DACH2: variants seen among roughly 807,000 people sequenced by gnomAD.
DACH2 encodes the protein dachshund family transcription factor 2, also known as dachshund homolog 2.
A neutral mutation model predicts 35.8 loss-of-function variants in DACH2; 17 were observed. The ratio of observed to expected loss-of-function variants is 0.48; its 90% CI spans 0.33 to 0.71. DACH2 has a LOEUF of 0.71. Among genes scored for constraint, DACH2 ranks in the 30% least tolerant of loss-of-function variants. The pLI is 0.02. For synonymous variants in DACH2, 195 were observed against 177.3 expected, an observed-to-expected ratio of 1.10 and a Z score of -0.79; for missense variants, 469 against 472.7, an observed-to-expected ratio of 0.99 and a Z score of 0.07.
intron 2 of DACH2, among the ~76,000 whole-genome samples, chrX:86,446,418 A>G (rs2037279861): frequency 1.5e-5 from 1 of 66,033 alleles, no homozygotes; most frequent in Admixed American, 1.9e-4. Flanking sequence ...AGCATTAGGT[A>G]TATCTCCCAA....
intron 1 of DACH2, among the ~76,000 whole-genome samples, chrX:86,325,342 A>G (rs943015398): frequency 1.8e-5 from 2 of 111,347 alleles, no homozygotes; most frequent in Non-Finnish European, 3.8e-5. Context: ...AGTGAAGTGA[A>G]AGAGAGATGG....
intron 1 of DACH2, among the ~76,000 whole-genome samples, chrX:86,210,125 G>A (rs373551650): frequency 1.8e-5 from 2 of 111,806 alleles, no homozygotes; most frequent in East Asian, 5.7e-4. Flanking sequence ...GCCATGATAG[G>A]TAGTGCAGTG....
At chrX:86,290,820 C>G (rs2034271183) in intron 1 of DACH2, among the ~76,000 whole-genome samples, 1 of 100,375 alleles carries the variant, frequency 1.0e-5, no homozygotes, top group African/African-American at 3.8e-5. Context: ...GTTTTGGTTA[C>G]TGTAGCCTTG....
chrX:86,519,958 T>A (rs370458735), intron 3 of DACH2, among the ~76,000 whole-genome samples: 28 of 111,317 alleles, frequency 2.5e-4, no homozygotes, highest in East Asian at 2.3e-3. Flanking sequence ...TTGGGCTTGA[T>A]TTGTTCCTGC....
At chrX:86,356,092 A>G (rs879027327) in intron 1 of DACH2, among the ~76,000 whole-genome samples, 1 of 111,626 alleles carries the variant, frequency 9.0e-6, no homozygotes, top group Admixed American at 9.6e-5. Flanking sequence ...TGTGTTCATT[A>G]TGAAATCTTT....
intron 1 of DACH2, among the ~76,000 whole-genome samples, chrX:86,374,580 T>C (rs1161132426): frequency 9.0e-6 from 1 of 111,210 alleles, no homozygotes; most frequent in African/African-American, 3.3e-5. Context: ...ATATTGTATC[T>C]GCCACAACGT....
At chrX:86,789,306 A>G (rs2042166065) in intron 7 of DACH2, among the ~76,000 whole-genome samples, 1 of 111,912 alleles carries the variant, frequency 8.9e-6, no homozygotes, top group Non-Finnish European at 1.9e-5. Flanking sequence ...GTGGCTTTCC[A>G]GCAACAGGTA....
At chrX:86,546,392 CTTCTTCTTCTTCCTTCTTCTTCTTCTTT>C (rs2038964636) in intron 3 of DACH2, among the ~76,000 whole-genome samples, 1 of 66,722 alleles carries the variant, frequency 1.5e-5, no homozygotes, top group Non-Finnish European at 2.9e-5. Flanking sequence ...TCTTCTTCTT[CTTCTTCTTCTTCCTTCTTCTTCTTCTTT>C]CTTCTTCTTC....
intron 1 of DACH2, among the ~76,000 whole-genome samples, chrX:86,158,387 T>C (rs2030629223): frequency 9.0e-6 from 1 of 111,434 alleles, no homozygotes; most frequent in African/African-American, 3.3e-5. Context: ...AGTGAGTATG[T>C]CTTTTGCTGT....
rs777140472 is a variant in DACH2 at position 86,180,364 on chromosome X, A to G, written c.488+31256A>G. Among the ~76,000 whole-genome samples, 3 of 106,809 alleles carry G rather than the reference A, an allele frequency of 2.8e-5. No individual in the cohort carries two copies. In the East Asian group the frequency reaches 8.7e-4, roughly 31 times the overall value. 92.8% of individuals were successfully genotyped at this position (106,809 alleles called of 115,157 possible). On this transcript the variant is annotated intron_variant, in intron 1 of 11. Coordinates refer to ENST00000373125, the MANE Select transcript of DACH2 (RefSeq NM_053281.3). ...ATCATAATGTTCAGGTCCTTTTAAT[A>G]TAGTCTTATTGATTTGAATTCAGTG...
At chrX:86,289,383 C>T (rs1316770589) in intron 1 of DACH2, among the ~76,000 whole-genome samples, 1 of 105,743 alleles carries the variant, frequency 9.5e-6, no homozygotes, top group Non-Finnish European at 1.9e-5. Flanking sequence ...CCTTAGCTGC[C>T]TCGGTTGGTG....
chrX:86,726,795 C>A (rs2041474616), intron 6 of DACH2, among the ~76,000 whole-genome samples: 1 of 111,636 alleles, frequency 9.0e-6, no homozygotes, highest in Admixed American at 9.4e-5. Context: ...AGTGTGGAGT[C>A]CTGGGAGCTT....
chrX:86,726,632 G>A (rs950992935), intron 6 of DACH2, among the ~76,000 whole-genome samples: 3 of 111,799 alleles, frequency 2.7e-5, no homozygotes, highest in African/African-American at 9.8e-5. Flanking sequence ...GGTTGAAGCT[G>A]CTCTGAGATT....
chrX:86,826,986 G>T (rs1377873684), intron 11 of DACH2, among the ~76,000 whole-genome samples: 2 of 111,711 alleles, frequency 1.8e-5, no homozygotes, highest in Non-Finnish European at 3.8e-5. Flanking sequence ...TCAAAAGAAA[G>T]GTTTGATAGC....
chrX:86,261,768 G>A (rs1253932959), intron 1 of DACH2, among the ~76,000 whole-genome samples: 1 of 110,956 alleles, frequency 9.0e-6, no homozygotes, highest in Non-Finnish European at 1.9e-5. Context: ...AATAAAATAA[G>A]CTCCTTCCCA....
At chrX:86,644,190 G>T in intron 3 of DACH2, among the ~76,000 whole-genome samples, 1 of 110,177 alleles carries the variant, frequency 9.1e-6, no homozygotes, top group Non-Finnish European at 1.9e-5. Context: ...GTTTGTGGAC[G>T]ATATGATTCA....
intron 3 of DACH2, among the ~76,000 whole-genome samples, chrX:86,553,303 G>A (rs778988747): frequency 1.4e-3 from 159 of 111,409 alleles, no homozygotes; most frequent in African/African-American, 4.8e-3. Flanking sequence ...AAAGATGAAG[G>A]CCGGAAGACT....
chrX:86,423,583 G>A (rs1185911529), intron 2 of DACH2, among the ~76,000 whole-genome samples: 1 of 109,090 alleles, frequency 9.2e-6, no homozygotes, highest in Non-Finnish European at 1.9e-5. Flanking sequence ...CAGATGGGTA[G>A]TTTGCAGATA....
chrX:86,400,215 G>A (rs947494337), intron 2 of DACH2, among the ~76,000 whole-genome samples: 13 of 111,470 alleles, frequency 1.2e-4, no homozygotes, highest in Admixed American at 1.9e-4. Context: ...TTCTCATGCC[G>A]TGGTTTTCAG....
Sources: gnomAD v4.1 joint callset for allele counts (sites outside exome capture counted in the v4.1 genomes callset) on GRCh38, gnomAD v4.1.1 for gene constraint, MANE v1.5 for transcripts, NCBI Gene and HGNC (gene_info 2026-07-23, HGNC 2026-07-21) for gene names.